Variants in ZNF565 observed in about 807,000 individuals in gnomAD.
ZNF565 encodes zinc finger protein 565.
Under a neutral mutation model 39.4 loss-of-function variants are expected in ZNF565, and 27 were observed. That is an observed-to-expected ratio of 0.69 (90% CI 0.51 to 0.95). The LOEUF (loss-of-function observed/expected upper bound fraction) is 0.95, where lower values mean the gene tolerates loss of function less well. Ranked by LOEUF, ZNF565 falls within the 40% of genes least tolerant of loss-of-function variation. ZNF565 has a pLI of 0.00. For missense variants in ZNF565, 524 were observed against 621.1 expected, an observed-to-expected ratio of 0.84 and a Z score of 1.66; for synonymous variants, 185 against 216.6, an observed-to-expected ratio of 0.85 and a Z score of 1.28.
intron 3 of ZNF565, chr19:36,194,757 T>C (rs1261967944): frequency 1.8e-6 from 1 of 558,800 alleles, no homozygotes; most frequent in East Asian, 3.3e-5. Context: ...TCATTGGCTT[T>C]GGCAGACAGA....
In ZNF565 at chr19:36,182,777, C is replaced by A. The variant is rs778012366; in HGVS notation, c.1189G>T (p.Gly397Trp). The A allele has an allele frequency of 6.2e-7, 1 of 1,613,976 alleles. No individual in the cohort carries two copies. Among genetic ancestry groups the A allele is most frequent in the Non-Finnish European group, 8.5e-7 (1 of 1,180,044 alleles). Residue 397 changes from glycine (G) to tryptophan (W), a missense_variant, in exon 5 of 5, where the codon GGG (glycine) becomes TGG (tryptophan). Transcript: ENST00000304116. ...GDRPYECKDC[G>W]KAFSRSSYLI... ...TATGAGCTACGACTAAATGCCTTCC[C>A]GCAGTCCTTACATTCATAGGGTCTG... is the stretch of plus-strand genomic sequence containing the variant.
intron 1 of ZNF565, among the ~76,000 whole-genome samples, chr19:36,234,248 AG>A: frequency 6.6e-6 from 1 of 152,210 alleles, no homozygotes; most frequent in Non-Finnish European, 1.5e-5. Context: ...AATTTTTCTT[AG>A]TACAGAACAA....
intron 1 of ZNF565, among the ~76,000 whole-genome samples, chr19:36,211,293 A>G (rs1976344973): frequency 6.6e-6 from 1 of 151,948 alleles, no homozygotes; most frequent in South Asian, 2.1e-4. Flanking sequence ...AAATACAATT[A>G]TTAGCCGGGC....
Position 36,245,441 on chromosome 19 carries a change from A to G in ZNF565, c.55+35T>C, listed in dbSNP as rs749188695. ...CGCCCACCCAGAAAATCCGGATCACATTTCCCGTGGTCCACCGCGCATCTA... is the reference window on the plus strand; with the variant it reads ...CGCCCACCCAGAAAATCCGGATCACGTTTCCCGTGGTCCACCGCGCATCTA... On this transcript the variant is annotated intron_variant, in intron 1 of 4. Coordinates refer to the ZNF565 transcript ENST00000355114. The surrounding 1 kb of genome is among the most constrained non-coding windows in gnomAD (Gnocchi z 4.4). The G allele has an allele frequency of 1.3e-5, 9 of 701,970 alleles. No individual in the cohort carries two copies. Among genetic ancestry groups the G allele is most frequent in the Non-Finnish European group, 2.1e-5 (8 of 384,732 alleles). 43.5% of individuals were successfully genotyped at this position (701,970 alleles called of 1,614,324 possible).
At chr19:36,196,194 T>C (rs1975755859) in intron 2 of ZNF565, among the ~76,000 whole-genome samples, 1 of 152,184 alleles carries the variant, frequency 6.6e-6, no homozygotes, top group Non-Finnish European at 1.5e-5. Context: ...CCTCCCAAAG[T>C]GTTGGGATGA....
chr19:36,205,468 C>T (rs146946986), intron 1 of ZNF565, among the ~76,000 whole-genome samples: 4,015 of 152,030 alleles, frequency 0.026, 184 homozygotes, highest in African/African-American at 0.089. Context: ...GCAGAGGTTG[C>T]GGTGAGCCGA....
intron 1 of ZNF565, among the ~76,000 whole-genome samples, chr19:36,208,785 G>T (rs1377219610): frequency 6.6e-6 from 1 of 152,076 alleles, no homozygotes; most frequent in Non-Finnish European, 1.5e-5. Context: ...TCCTGAAAAA[G>T]CAATCACTCT....
intron 1 of ZNF565, among the ~76,000 whole-genome samples, chr19:36,240,549 G>A (rs1977780332): frequency 6.6e-6 from 1 of 152,196 alleles, no homozygotes; most frequent in South Asian, 2.1e-4. Context: ...CCATGGTAAT[G>A]GCATGAAAGG....
intron 1 of ZNF565, among the ~76,000 whole-genome samples, chr19:36,244,310 G>C (rs996764952): frequency 1.3e-4 from 20 of 151,934 alleles, no homozygotes; most frequent in African/African-American, 4.4e-4. Flanking sequence ...CTGTAATCCC[G>C]GGAGGCCGAG....
At chr19:36,215,966 A>G (rs901682502), upstream of ZNF565, among the ~76,000 whole-genome samples, 3 of 152,166 alleles carry the variant, frequency 2.0e-5, no homozygotes, top group Non-Finnish European at 4.4e-5. Flanking sequence ...AGGCGTTCTC[A>G]GGTTGTATGG....
At chr19:36,188,707 G>T (rs1479897805) in intron 4 of ZNF565, among the ~76,000 whole-genome samples, 6 of 131,196 alleles carry the variant, frequency 4.6e-5, no homozygotes, top group African/African-American at 1.8e-4. Flanking sequence ...GTGAGACTCC[G>T]TCTCAAAAAA....
intron 1 of ZNF565, among the ~76,000 whole-genome samples, chr19:36,204,227 GGT>G (rs1177227496): frequency 6.6e-6 from 1 of 152,160 alleles, no homozygotes; most frequent in African/African-American, 2.4e-5. Flanking sequence ...TGGGATTACA[GGT>G]GTGAGCCACC....
intron 4 of ZNF565, among the ~76,000 whole-genome samples, chr19:36,190,508 G>A (rs1235557934): frequency 4.0e-5 from 6 of 151,420 alleles, no homozygotes; most frequent in African/African-American, 1.2e-4. Context: ...CCAGGGAGGC[G>A]GAAGTTGCGA....
intron 1 of ZNF565, among the ~76,000 whole-genome samples, chr19:36,229,383 G>T (rs926229426): frequency 3.3e-5 from 5 of 152,128 alleles, no homozygotes; most frequent in Non-Finnish European, 7.3e-5. Context: ...CTACTTTTAT[G>T]TGTGGGGGTC....
chr19:36,216,264 C>T (rs1349708428), upstream of ZNF565, among the ~76,000 whole-genome samples: 1 of 152,138 alleles, frequency 6.6e-6, no homozygotes, highest in Non-Finnish European at 1.5e-5. Flanking sequence ...TAAAATACTA[C>T]TAAGGGGCAT....
intron 4 of ZNF565, among the ~76,000 whole-genome samples, chr19:36,191,249 T>C (rs991774831): frequency 6.6e-6 from 1 of 151,460 alleles, no homozygotes; most frequent in Non-Finnish European, 1.5e-5. Flanking sequence ...ATGGTAAAGA[T>C]GTTAAGGTCT....
intron 4 of ZNF565, among the ~76,000 whole-genome samples, chr19:36,184,079 TAAAAAAA>T (rs752744030): frequency 2.5e-5 from 1 of 39,248 alleles, no homozygotes; most frequent in African/African-American, 9.8e-5. Context: ...CTCTGTCTCA[TAAAAAAA>T]AAAAAAAAAA....
chr19:36,194,181 G>A, intron 4 of ZNF565, 52 bp downstream of exon 4: 1 of 1,480,742 alleles, frequency 6.8e-7, no homozygotes, highest in South Asian at 1.2e-5. Context: ...AGTTACTCCT[G>A]TCAGTCGACT....
chr19:36,216,488 T>A (rs941802568), upstream of ZNF565, among the ~76,000 whole-genome samples: 2 of 151,456 alleles, frequency 1.3e-5, no homozygotes, highest in East Asian at 1.9e-4. Flanking sequence ...TAAAAAAAAA[T>A]AAAATAAAAA....
Sources: gnomAD v4.1 joint callset for allele counts (sites outside exome capture counted in the v4.1 genomes callset) on GRCh38, gnomAD v4.1.1 for gene constraint, Gnocchi (gnomAD v3.1) non-coding constraint, MANE v1.5 for transcripts, NCBI Gene and HGNC (gene_info 2026-07-23, HGNC 2026-07-21) for gene names.